Variants in EXT2 observed in about 807,000 individuals in gnomAD.
The protein encoded by EXT2 is exostosin glycosyltransferase 2.
Under a neutral mutation model 81.6 loss-of-function variants are expected in EXT2, and 53 were observed. That is an observed-to-expected ratio of 0.65 (90% CI 0.52 to 0.82). The LOEUF (loss-of-function observed/expected upper bound fraction) is 0.82, where lower values mean the gene tolerates loss of function less well. Ranked by LOEUF, EXT2 falls within the 40% of genes least tolerant of loss-of-function variation. The pLI is 0.00. For missense variants in EXT2, 774 were observed against 910.2 expected, an observed-to-expected ratio of 0.85 and a Z score of 1.93; for synonymous variants, 320 against 340.0, an observed-to-expected ratio of 0.94 and a Z score of 0.65.
chr11:44,200,178 CTT>C (rs991054678), intron 9 of EXT2, among the ~76,000 whole-genome samples: 1 of 150,386 alleles, frequency 6.6e-6, no homozygotes, highest in African/African-American at 2.4e-5. Flanking sequence ...AAGTCCAAGT[CTT>C]TGAAATATTA....
At chr11:44,212,464 G>C (rs1469948837) in intron 10 of EXT2, among the ~76,000 whole-genome samples, 2 of 151,952 alleles carry the variant, frequency 1.3e-5, no homozygotes, top group Non-Finnish European at 2.9e-5. Context: ...CACTAGAATG[G>C]CTATAAGTAA....
chr11:44,128,246 G>A (rs945255899), intron 6 of EXT2, among the ~76,000 whole-genome samples: 7 of 152,098 alleles, frequency 4.6e-5, no homozygotes, highest in African/African-American at 9.7e-5. Context: ...AAGACAAACC[G>A]ATGATAATGT....
chr11:44,175,790 A>C (rs1405007048), intron 8 of EXT2, among the ~76,000 whole-genome samples: 1 of 152,168 alleles, frequency 6.6e-6, no homozygotes, highest in Admixed American at 6.5e-5. Flanking sequence ...AGAAAGAGGG[A>C]TGGAGAGAGG....
At chr11:44,142,990 C>T (rs897196155) in intron 7 of EXT2, among the ~76,000 whole-genome samples, 2 of 152,188 alleles carry the variant, frequency 1.3e-5, no homozygotes, top group East Asian at 1.9e-4. Context: ...CTTACTCTGT[C>T]GCCTAGGCTG....
At chr11:44,235,881 A>G (rs1425453802) in intron 12 of EXT2, among the ~76,000 whole-genome samples, 1 of 152,206 alleles carries the variant, frequency 6.6e-6, no homozygotes, top group East Asian at 1.9e-4. Context: ...AGCATTTGCC[A>G]TTAGCTGGAA....
intron 8 of EXT2, among the ~76,000 whole-genome samples, chr11:44,193,790 C>G (rs1037655240): frequency 6.6e-6 from 1 of 152,136 alleles, no homozygotes; most frequent in Non-Finnish European, 1.5e-5. Context: ...CTGTCCATAC[C>G]CCCCATGCTG....
At chr11:44,212,964 G>A (rs1371912879) in intron 10 of EXT2, among the ~76,000 whole-genome samples, 1 of 152,044 alleles carries the variant, frequency 6.6e-6, no homozygotes, top group East Asian at 1.9e-4. Flanking sequence ...ATTATGATAT[G>A]GTGGTGGTTA....
At chr11:44,208,098 C>T (rs7119825) in intron 10 of EXT2, among the ~76,000 whole-genome samples, 139,089 of 152,226 alleles carry the variant, frequency 0.91, 63,638 homozygotes, top group East Asian at 0.99. Flanking sequence ...TTTTACAGCA[C>T]AGTGTCTAGG....
rs150444700 is a variant in EXT2 at position 44,226,301 on chromosome 11, G to A, written c.1663-6052G>A. ...CTGCCTGGGGTTGGGAAGGTCTCTC[G>A]GACAGACTAAAGTGATCTCACAGGT... On this transcript the variant is annotated intron_variant, in intron 10 of 13. Transcript: ENST00000533608. Among the ~76,000 whole-genome samples, 928 of 152,222 alleles carry A rather than the reference G, an allele frequency of 6.1e-3. 16 individuals carry two copies. Among genetic ancestry groups the A allele is most frequent in the Admixed American group, 0.014 (212 of 15,308 alleles).
chr11:44,236,944 T>C (rs1248588145), intron 13 of EXT2, among the ~76,000 whole-genome samples: 1 of 152,168 alleles, frequency 6.6e-6, no homozygotes, highest in Admixed American at 6.5e-5. Context: ...ATCCTAGGCC[T>C]TGTAGGTAAG....
Position 44,220,144 on chromosome 11 carries a change from G to A in EXT2, c.1663-12209G>A, listed in dbSNP as rs1362515650. 6.6e-6 allele frequency among the ~76,000 whole-genome samples: 1 copy of A among 152,192 alleles called. No homozygotes were observed. Among genetic ancestry groups the A allele is most frequent in the Non-Finnish European group, 1.5e-5 (1 of 68,030 alleles). On this transcript the variant is annotated intron_variant, in intron 10 of 13. Coordinates refer to ENST00000533608, the MANE Select transcript of EXT2 (RefSeq NM_207122.2). The surrounding 1 kb of genome is among the most constrained non-coding windows in gnomAD (Gnocchi z 4.4). ...AGTGAGCCAGGCCTGGTTTTGGTGTGCACAAGGTCAAACCTTGCCAGAGCT... is the reference window on the plus strand; with the variant it reads ...AGTGAGCCAGGCCTGGTTTTGGTGTACACAAGGTCAAACCTTGCCAGAGCT...
At chr11:44,144,545 G>A (rs1251344426) in intron 7 of EXT2, among the ~76,000 whole-genome samples, 1 of 152,204 alleles carries the variant, frequency 6.6e-6, no homozygotes, top group African/African-American at 2.4e-5. Flanking sequence ...CCCAGTCAGA[G>A]GCTTGTGTTT....
At position 44,247,634 on chromosome 11, in the gene EXT2, G is replaced by C. The variant is rs1956107227; in HGVS notation, c.*3347G>C. Among the ~76,000 whole-genome samples the C allele has an allele frequency of 6.6e-6, 1 of 152,198 alleles. No individual in the cohort carries two copies. The highest frequency in any genetic ancestry group is 1.5e-5 in the Non-Finnish European group (1 of 68,032). ...GCCAAAGCCTCATCTACTTCCAGCT[G>C]GGCTTTGAACTTGTGGTTTTTAAGT... On this transcript the variant is annotated 3_prime_UTR_variant, in exon 14 of 14. Coordinates refer to ENST00000533608, the MANE Select transcript of EXT2 (RefSeq NM_207122.2).
intron 7 of EXT2, among the ~76,000 whole-genome samples, chr11:44,153,725 G>A (rs1590600707): frequency 6.6e-6 from 1 of 152,160 alleles, no homozygotes; most frequent in East Asian, 1.9e-4. Flanking sequence ...TCATGAATAA[G>A]TATTGGATTT....
At chr11:44,218,190 C>G (rs1383506864) in intron 10 of EXT2, among the ~76,000 whole-genome samples, 1 of 152,158 alleles carries the variant, frequency 6.6e-6, no homozygotes, top group South Asian at 2.1e-4. Flanking sequence ...TCTCAAAGAA[C>G]CATGGAAGAC....
intron 1 of EXT2, among the ~76,000 whole-genome samples, chr11:44,105,180 A>G (rs918706200): frequency 5.3e-5 from 8 of 152,224 alleles, no homozygotes; most frequent in Non-Finnish European, 1.0e-4. Context: ...TCCGAAGCAA[A>G]AATGGTTGAT....
intron 2 of EXT2, among the ~76,000 whole-genome samples, chr11:44,108,821 C>A (rs1345341234): frequency 6.6e-6 from 1 of 152,042 alleles, no homozygotes; most frequent in African/African-American, 2.4e-5. Context: ...ATTTTATGTT[C>A]TTTTACTATA....
chr11:44,214,956 T>C (rs954462159), intron 10 of EXT2, among the ~76,000 whole-genome samples: 4 of 152,060 alleles, frequency 2.6e-5, no homozygotes, highest in Non-Finnish European at 5.9e-5. Flanking sequence ...GACAAGCTCC[T>C]GCTATGTTGT....
intron 8 of EXT2, among the ~76,000 whole-genome samples, chr11:44,193,008 T>C (rs1955412449): frequency 6.6e-6 from 1 of 152,250 alleles, no homozygotes; most frequent in African/African-American, 2.4e-5. Context: ...AAACAAGTTT[T>C]GATTGAACAA....
Sources: allele counts gnomAD v4.1 joint callset (sites outside exome capture counted in the v4.1 genomes callset), GRCh38; gene constraint gnomAD v4.1.1; non-coding constraint Gnocchi (gnomAD v3.1); transcripts MANE v1.5; gene names NCBI Gene and HGNC (gene_info 2026-07-23, HGNC 2026-07-21).